Variants in NAV3 observed in about 807,000 individuals in gnomAD.
The protein encoded by NAV3 is neuron navigator 3, also known as pore membrane and/or filament interacting like protein 1.
A neutral mutation model predicts 244.7 loss-of-function variants in NAV3; 87 were observed. The observed-to-expected ratio is 0.36, with a 90% CI of 0.30 to 0.42. The LOEUF is 0.42. NAV3 is among the 20% of genes least tolerant of loss of function. The probability of loss-of-function intolerance (pLI) is 1.00; values close to 1 mark genes in which losing one functional copy is unlikely to be tolerated. For synonymous variants in NAV3, 1,126 were observed against 1,042.2 expected, an observed-to-expected ratio of 1.08 and a Z score of -1.55; for missense variants, 2,663 against 2,893.3, an observed-to-expected ratio of 0.92 and a Z score of 1.83.
At chr12:77,847,766 G>T (rs903287809) in intron 1 of NAV3, among the ~76,000 whole-genome samples, 2 of 151,974 alleles carry the variant, frequency 1.3e-5, no homozygotes, top group African/African-American at 4.8e-5. Flanking sequence ...TGATGTCTTA[G>T]CCCCGTGTTT....
At chr12:78,147,472 A>G (rs1956908486) in intron 21 of NAV3, among the ~76,000 whole-genome samples, 1 of 152,054 alleles carries the variant, frequency 6.6e-6, no homozygotes, top group Admixed American at 6.6e-5. Context: ...TGTAATAGAG[A>G]CTATTTAATT....
At chr12:77,712,556 T>G (rs948594573) in intron 2 of NAV3, among the ~76,000 whole-genome samples, 1 of 152,200 alleles carries the variant, frequency 6.6e-6, no homozygotes, top group African/African-American at 2.4e-5. Flanking sequence ...AGATAAATGT[T>G]AGCCTGATAT....
Position 78,182,727 on chromosome 12 carries a change from T to A in NAV3, c.5692+1682T>A, listed in dbSNP as rs375867286. 6.2e-4 allele frequency among the ~76,000 whole-genome samples: 94 copies of A among 152,016 alleles called. 1 individual carries two copies. The Middle Eastern group carries it at 0.024, about 39-fold the overall frequency. The stretch of plus-strand genomic sequence containing the variant: ...CCAAGTTTTACGTTTTTTTAATACC[T>A]TTTTTTACCCATTCCCTAAGTTATT... On this transcript the variant is annotated intron_variant, in intron 30 of 39. Transcript: ENST00000397909.
chr12:77,630,276 G>A (rs1871830128), intron 2 of NAV3, among the ~76,000 whole-genome samples: 1 of 152,110 alleles, frequency 6.6e-6, no homozygotes, highest in Non-Finnish European at 1.5e-5. Context: ...CCGTCTTGCT[G>A]GTTGAGTTAA....
At chr12:77,877,239 A>T (rs1308158047) in intron 1 of NAV3, among the ~76,000 whole-genome samples, 1 of 152,132 alleles carries the variant, frequency 6.6e-6, no homozygotes, top group Non-Finnish European at 1.5e-5. Flanking sequence ...TGCTGATTCC[A>T]TCTCTACATT....
intron 35 of NAV3, among the ~76,000 whole-genome samples, chr12:78,198,095 A>G (rs1959211730): frequency 6.6e-6 from 1 of 151,906 alleles, no homozygotes; most frequent in Non-Finnish European, 1.5e-5. Flanking sequence ...GACATATAAG[A>G]ATATCAACAT....
intron 5 of NAV3, among the ~76,000 whole-genome samples, chr12:77,992,031 A>C (rs1615257): frequency 7.2e-5 from 11 of 152,012 alleles, no homozygotes; most frequent in African/African-American, 2.7e-4. Flanking sequence ...CAAAAAAAAA[A>C]ACGAATATTT....
chr12:77,785,935 G>T (rs1592681555), intron 2 of NAV3, among the ~76,000 whole-genome samples: 1 of 152,306 alleles, frequency 6.6e-6, no homozygotes, highest in Admixed American at 6.5e-5. Context: ...GAGATGAGGA[G>T]ATGTTTGTTA....
At position 77,775,121 on chromosome 12, in the gene NAV3, G is replaced by A. The variant is rs909408194; in HGVS notation, c.73-165198G>A. Among the ~76,000 whole-genome samples the A allele has an allele frequency of 4.6e-5, 7 of 152,164 alleles. No individual in the cohort carries two copies. The South Asian group carries it at 1.0e-3, about 23-fold the overall frequency. ...AAGTGTGTCATTTTGGCTGGGTGCG[G>A]TGGCTCATACCTGTAATCCCAGCAC... On this transcript the variant is annotated intron_variant, in intron 2 of 8. Coordinates refer to the NAV3 transcript ENST00000550042.
chr12:78,066,049 CA>C (rs1344298444), intron 12 of NAV3, among the ~76,000 whole-genome samples: 1 of 152,060 alleles, frequency 6.6e-6, no homozygotes, highest in Non-Finnish European at 1.5e-5. Context: ...GATTGGATCA[CA>C]AGAGTGGAGC....
At chr12:78,165,557 T>C (rs1418240048) in intron 23 of NAV3, among the ~76,000 whole-genome samples, 2 of 151,870 alleles carry the variant, frequency 1.3e-5, no homozygotes, top group Non-Finnish European at 2.9e-5. Flanking sequence ...AATTCATTTC[T>C]AATCATGTAC....
intron 9 of NAV3, among the ~76,000 whole-genome samples, chr12:78,029,478 C>A (rs2136936446): frequency 6.6e-6 from 1 of 152,190 alleles, no homozygotes; most frequent in East Asian, 1.9e-4. Flanking sequence ...TGATAAAAAT[C>A]AGAGAGATTT....
intron 2 of NAV3, among the ~76,000 whole-genome samples, chr12:77,824,580 C>T (rs1482980079): frequency 6.6e-6 from 1 of 151,738 alleles, no homozygotes; most frequent in Non-Finnish European, 1.5e-5. Context: ...ATAACACAAC[C>T]TGAACAAAAC....
At chr12:78,185,009 C>A (rs1593954987) in intron 30 of NAV3, among the ~76,000 whole-genome samples, 2 of 151,724 alleles carry the variant, frequency 1.3e-5, no homozygotes, top group South Asian at 4.2e-4. Context: ...ACTAGAAATA[C>A]TATTTTGGTT....
At chr12:77,974,728 A>G (rs1893316295) in intron 5 of NAV3, among the ~76,000 whole-genome samples, 1 of 152,202 alleles carries the variant, frequency 6.6e-6, no homozygotes, top group Non-Finnish European at 1.5e-5. Context: ...GGCATGGTCA[A>G]GTGATTTTAA....
intron 1 of NAV3, among the ~76,000 whole-genome samples, chr12:77,836,792 A>C (rs961274925): frequency 1.3e-5 from 2 of 152,166 alleles, no homozygotes; most frequent in East Asian, 3.9e-4. Flanking sequence ...TGTGGATGCT[A>C]TAAGGGAGGA....
intron 2 of NAV3, among the ~76,000 whole-genome samples, chr12:77,677,773 C>T (rs982041872): frequency 6.6e-6 from 1 of 152,124 alleles, no homozygotes; most frequent in Non-Finnish European, 1.5e-5. Context: ...GTTTTGGAAC[C>T]AAACTATTTT....
At chr12:78,031,388 G>A (rs1190807568) in intron 9 of NAV3, among the ~76,000 whole-genome samples, 4 of 152,004 alleles carry the variant, frequency 2.6e-5, no homozygotes, top group Non-Finnish European at 4.4e-5. Context: ...TGATATAAGT[G>A]GAGCCAATGA....
chr12:77,591,496 T>A (rs1484577515), intron 2 of NAV3, among the ~76,000 whole-genome samples: 1 of 152,224 alleles, frequency 6.6e-6, no homozygotes, highest in Admixed American at 6.5e-5. Flanking sequence ...GTGTTATCTC[T>A]ACACAGAAGG....
Sources: gnomAD v4.1 joint callset for allele counts (sites outside exome capture counted in the v4.1 genomes callset) on GRCh38, gnomAD v4.1.1 for gene constraint, MANE v1.5 for transcripts, NCBI Gene and HGNC (gene_info 2026-07-23, HGNC 2026-07-21) for gene names.